Variants in CSMD1 observed in about 807,000 individuals in gnomAD.
CSMD1 encodes the protein CUB and sushi domain-containing protein 1.
Under a neutral mutation model 417.5 loss-of-function variants are expected in CSMD1, and 213 were observed. The ratio of observed to expected loss-of-function variants is 0.51; its 90% confidence interval spans 0.46 to 0.57. CSMD1 has a LOEUF of 0.57. Ranked by LOEUF, CSMD1 falls within the 20% of genes least tolerant of loss-of-function variation. CSMD1 has a pLI of 0.00. For synonymous variants in CSMD1, 2,862 were observed against 1,736.8 expected, an observed-to-expected ratio of 1.65 and a Z score of -16.11; for missense variants, 6,923 against 4,529.7, an observed-to-expected ratio of 1.53 and a Z score of -15.17.
chr8:3,919,352 C>A (rs148645794), intron 5 of CSMD1, among the ~76,000 whole-genome samples: 3 of 152,058 alleles, frequency 2.0e-5, no homozygotes, highest in Non-Finnish European at 4.4e-5. Context: ...TTCCTCTGCA[C>A]GACATACTCA....
intron 1 of CSMD1, among the ~76,000 whole-genome samples, chr8:4,674,405 C>T (rs911607092): frequency 1.6e-4 from 25 of 152,012 alleles, no homozygotes; most frequent in African/African-American, 5.6e-4. Flanking sequence ...AAGGTAAAGG[C>T]AAGTGGAAAC....
intron 21 of CSMD1, 78 bp downstream of exon 21, chr8:3,359,074 C>G: frequency 6.9e-7 from 1 of 1,444,204 alleles, no homozygotes; most frequent in Non-Finnish European, 9.7e-7. Context: ...CCCACCCGAC[C>G]CCGACCACCC....
chr8:3,771,018 C>CTGTG (rs140421453), intron 5 of CSMD1, among the ~76,000 whole-genome samples: 68,557 of 151,012 alleles, frequency 0.45, 15,826 homozygotes, highest in Non-Finnish European at 0.5. Flanking sequence ...GTCAGTGTGT[C>CTGTG]TGTGTGTGTG....
chr8:3,043,870 G>C (rs532676255), intron 50 of CSMD1: 1 of 152,372 alleles, frequency 6.6e-6, no homozygotes, highest in African/African-American at 2.4e-5. Context: ...ATTAAATAAT[G>C]TCATTCTCAA....
chr8:4,160,349 G>A (rs544273952), intron 3 of CSMD1, among the ~76,000 whole-genome samples: 102 of 152,100 alleles, frequency 6.7e-4, no homozygotes, highest in African/African-American at 1.9e-3. Context: ...ACCATTTTTT[G>A]TAAAGTAATG....
chr8:4,172,005 C>A (rs1016285908), intron 3 of CSMD1, among the ~76,000 whole-genome samples: 6 of 152,078 alleles, frequency 3.9e-5, no homozygotes, highest in Admixed American at 6.5e-5. Context: ...TTTAATACCA[C>A]CAAAGCAGCA....
At chr8:3,252,466 G>A (rs1205045517) in intron 26 of CSMD1, among the ~76,000 whole-genome samples, 1 of 152,146 alleles carries the variant, frequency 6.6e-6, no homozygotes, top group Admixed American at 6.5e-5. Flanking sequence ...CACTTTGCCA[G>A]TATTTTATTG....
At chr8:3,275,271 G>C (rs1027335472) in intron 26 of CSMD1, among the ~76,000 whole-genome samples, 2 of 152,140 alleles carry the variant, frequency 1.3e-5, no homozygotes, top group African/African-American at 4.8e-5. Flanking sequence ...CTCTCTTCTG[G>C]CTTGTAGAGT....
chr8:3,164,304 T>C (rs1222015190), intron 37 of CSMD1, among the ~76,000 whole-genome samples: 3 of 152,326 alleles, frequency 2.0e-5, no homozygotes, highest in South Asian at 2.1e-4. Flanking sequence ...TAAGTTGAAA[T>C]AGATTTTTCC....
At chr8:3,880,949 T>C (rs989559568) in intron 5 of CSMD1, among the ~76,000 whole-genome samples, 4 of 152,108 alleles carry the variant, frequency 2.6e-5, no homozygotes, top group Non-Finnish European at 4.4e-5. Flanking sequence ...AAAATTAGTA[T>C]AGAAAAGACA....
chr8:3,481,201 C>T (rs141021339), intron 11 of CSMD1, among the ~76,000 whole-genome samples: 3 of 149,546 alleles, frequency 2.0e-5, no homozygotes, highest in Admixed American at 6.7e-5. Context: ...GGTAGACCTG[C>T]CCTTAATGGT....
intron 3 of CSMD1, among the ~76,000 whole-genome samples, chr8:4,122,660 G>A (rs958661003): frequency 1.3e-5 from 2 of 152,176 alleles, no homozygotes; most frequent in Admixed American, 6.5e-5. Flanking sequence ...TGTGAGGCCA[G>A]GAAGGGCAGA....
chr8:4,145,413 A>T (rs370669387), intron 3 of CSMD1, among the ~76,000 whole-genome samples: 2 of 151,198 alleles, frequency 1.3e-5, no homozygotes, highest in Admixed American at 1.3e-4. Flanking sequence ...ATTGTGACTT[A>T]ATCTGGGAAA....
chr8:4,400,916 C>G (rs1051263676), intron 3 of CSMD1, among the ~76,000 whole-genome samples: 2 of 151,638 alleles, frequency 1.3e-5, no homozygotes, highest in African/African-American at 4.8e-5. Flanking sequence ...TGCAATGACT[C>G]AGTACAATAC....
chr8:4,907,864 G>A (rs1295489441), intron 1 of CSMD1, among the ~76,000 whole-genome samples: 1 of 151,798 alleles, frequency 6.6e-6, no homozygotes. Flanking sequence ...TCTCACTTTG[G>A]CCATTGTTTA....
chr8:4,672,589 T>C (rs1805396672), intron 1 of CSMD1, among the ~76,000 whole-genome samples: 1 of 152,100 alleles, frequency 6.6e-6, no homozygotes, highest in Non-Finnish European at 1.5e-5. Context: ...GATTCCCTAC[T>C]GTAAATAAAA....
intron 18 of CSMD1, among the ~76,000 whole-genome samples, chr8:3,374,291 C>T (rs188285153): frequency 1.6e-3 from 238 of 152,166 alleles, no homozygotes; most frequent in African/African-American, 5.6e-3. Flanking sequence ...TGTCTTTTGT[C>T]CTCTACTTTT....
At chr8:3,194,863 C>T (rs1262726950) in intron 33 of CSMD1, among the ~76,000 whole-genome samples, 1 of 151,990 alleles carries the variant, frequency 6.6e-6, no homozygotes, top group African/African-American at 2.4e-5. Context: ...GCCTGGGATG[C>T]AGGTGCTGCT....
chr8:3,251,117 T>C (rs562100799), intron 26 of CSMD1, among the ~76,000 whole-genome samples: 80 of 152,280 alleles, frequency 5.3e-4, no homozygotes, highest in Non-Finnish European at 7.6e-4. Context: ...CTTTTGGTGT[T>C]TTAGACATGA....
Sources: gnomAD v4.1 joint callset for allele counts (sites outside exome capture counted in the v4.1 genomes callset) on GRCh38, gnomAD v4.1.1 for gene constraint, MANE v1.5 for transcripts, NCBI Gene and HGNC (gene_info 2026-07-23, HGNC 2026-07-21) for gene names.